Variants in NBEA observed in about 807,000 individuals in gnomAD.
The protein encoded by NBEA is neurobeachin.
In NBEA, 44 loss-of-function variants were observed where a neutral mutation model predicts 343.4. The ratio of observed to expected loss-of-function variants is 0.13; its 90% confidence interval spans 0.10 to 0.16. The LOEUF is 0.16. Ranked by LOEUF, NBEA falls within the 10% of genes least tolerant of loss-of-function variation. The pLI is 1.00. For missense variants in NBEA, 2,555 were observed against 3,631.3 expected (o/e 0.70, Z 7.62); for synonymous variants, 1,175 against 1,238.7 (o/e 0.95, Z 1.08).
chr13:35,647,907 A>G (rs1228605929), intron 51 of NBEA, among the ~76,000 whole-genome samples: 1 of 151,538 alleles, frequency 6.6e-6, no homozygotes, highest in African/African-American at 2.4e-5. Context: ...ATAGGGTCTC[A>G]CTCTGTTGCA....
chr13:35,188,578 A>G (rs1037084965), intron 30 of NBEA, among the ~76,000 whole-genome samples: 4 of 152,002 alleles, frequency 2.6e-5, no homozygotes, highest in African/African-American at 7.2e-5. Context: ...TTCTTTTTTT[A>G]TGGGTGAATA....
chr13:35,529,247 G>C (rs1354946344), intron 41 of NBEA, among the ~76,000 whole-genome samples: 3 of 152,264 alleles, frequency 2.0e-5, no homozygotes, highest in East Asian at 3.9e-4. Flanking sequence ...CATATTTTCA[G>C]TAGTGACATT....
chr13:34,983,010 T>C (rs1351898649), intron 1 of NBEA, among the ~76,000 whole-genome samples: 3 of 152,138 alleles, frequency 2.0e-5, no homozygotes, highest in Non-Finnish European at 4.4e-5. Context: ...GGAATTGACC[T>C]TTGGGTTATT....
chr13:35,495,374 C>T (rs566304983), intron 41 of NBEA, among the ~76,000 whole-genome samples: 3 of 151,636 alleles, frequency 2.0e-5, no homozygotes, highest in East Asian at 1.9e-4. Context: ...GTCCATAAAG[C>T]GAAAACAGAT....
At chr13:35,389,148 A>G (rs2042383766) in intron 38 of NBEA, among the ~76,000 whole-genome samples, 1 of 152,102 alleles carries the variant, frequency 6.6e-6, no homozygotes, top group African/African-American at 2.4e-5. Context: ...TCTTGGTCTA[A>G]CAAAATGCCA....
At chr13:35,417,070 A>T (rs1331954953) in intron 38 of NBEA, among the ~76,000 whole-genome samples, 1 of 152,098 alleles carries the variant, frequency 6.6e-6, no homozygotes, top group African/African-American at 2.4e-5. Flanking sequence ...TTTCTGTGGA[A>T]ACGGTGGTGA....
chr13:35,445,782 T>TTATACATA lies in NBEA; in HGVS notation c.6305-6306_6305-6305insCATATATA, dbSNP rs2045971776. Reference sequence around the variant, plus strand: ...TGACTTAATTCTAAGATATAAATGTTTATATATATATATATATATATATAT... The same window carrying TTATACATA: ...TGACTTAATTCTAAGATATAAATGTTTATACATATATATATATATATATATATATATAT... On this transcript the variant is annotated intron_variant, in intron 39 of 58. Coordinates refer to ENST00000379939, the MANE Select transcript of NBEA (RefSeq NM_001385012.1). 2.0e-4 allele frequency among the ~76,000 whole-genome samples: 23 copies of TTATACATA among 113,234 alleles called. 1 individual carries two copies. The Admixed American group carries it at 2.4e-3, about 12-fold the overall frequency. The allele number at this position is 113,234 out of a possible 152,430, so 74.3% of individuals were successfully genotyped here.
chr13:35,404,841 A>G (rs2043191788), intron 38 of NBEA, among the ~76,000 whole-genome samples: 1 of 152,192 alleles, frequency 6.6e-6, no homozygotes, highest in South Asian at 2.1e-4. Context: ...ATGTCATGTG[A>G]TACGAAATAA....
chr13:35,308,660 A>T (rs1340859694), intron 35 of NBEA, among the ~76,000 whole-genome samples: 1 of 145,072 alleles, frequency 6.9e-6, no homozygotes, highest in Non-Finnish European at 1.5e-5. Context: ...TTAAAACCCC[A>T]TATATATATT....
intron 1 of NBEA, among the ~76,000 whole-genome samples, chr13:34,967,586 C>CT (rs2059863776): frequency 6.6e-6 from 1 of 151,888 alleles, no homozygotes; most frequent in South Asian, 2.1e-4. Context: ...ATACATAAAT[C>CT]GGTAGTGTGT....
intron 35 of NBEA, among the ~76,000 whole-genome samples, chr13:35,298,211 GTATATATATA>G (rs72309538): frequency 0.25 from 25,371 of 102,740 alleles, 3,126 homozygotes; most frequent in Middle Eastern, 0.35. Flanking sequence ...GTGTGTGTGT[GTATATATATA>G]TATATATATA....
intron 10 of NBEA, among the ~76,000 whole-genome samples, chr13:35,084,523 T>C (rs2064621456): frequency 6.6e-6 from 1 of 152,160 alleles, no homozygotes; most frequent in African/African-American, 2.4e-5. Flanking sequence ...AAAAATGTTC[T>C]TTGAAACCAA....
intron 18 of NBEA, among the ~76,000 whole-genome samples, chr13:35,146,845 G>T (rs2068459612): frequency 6.6e-6 from 1 of 152,072 alleles, no homozygotes; most frequent in African/African-American, 2.4e-5. Context: ...TACCACAAAA[G>T]CCACATCAAG....
chr13:35,413,957 C>G (rs921944971), intron 38 of NBEA, among the ~76,000 whole-genome samples: 1 of 152,112 alleles, frequency 6.6e-6, no homozygotes, highest in East Asian at 1.9e-4. Flanking sequence ...TATAAGCTAG[C>G]AAATCCAAAC....
intron 49 of NBEA, among the ~76,000 whole-genome samples, chr13:35,645,253 C>T (rs1422691759): frequency 6.6e-6 from 1 of 152,124 alleles, no homozygotes; most frequent in Non-Finnish European, 1.5e-5. Context: ...CCAAATTGCA[C>T]ACAATTTAGG....
In NBEA at chr13:35,667,342, C is replaced by G. The variant is rs780216762; in HGVS notation, c.8465-32C>G. Reference sequence around the variant, plus strand: ...CTAGTATGTCGTTTGTCGTCCCCAACTGACCCTGGCATTGATGTCCCCACT... The same window carrying G: ...CTAGTATGTCGTTTGTCGTCCCCAAGTGACCCTGGCATTGATGTCCCCACT... On this transcript the variant is annotated intron_variant, in intron 56 of 58. Transcript: ENST00000379939. The G allele has an allele frequency of 1.6e-5, 26 of 1,593,180 alleles. No homozygotes were observed. The African/African-American group carries it at 2.7e-4, about 16-fold the overall frequency.
At chr13:35,325,398 A>T (rs1031151129) in intron 36 of NBEA, among the ~76,000 whole-genome samples, 11 of 152,202 alleles carry the variant, frequency 7.2e-5, no homozygotes, top group African/African-American at 2.6e-4. Context: ...TAATAATCAC[A>T]TCAGGGTAAA....
intron 36 of NBEA, among the ~76,000 whole-genome samples, chr13:35,313,391 C>G (rs1308089535): frequency 1.3e-5 from 2 of 152,116 alleles, no homozygotes; most frequent in Non-Finnish European, 1.5e-5. Context: ...TGGAATAGTG[C>G]CTAGCATGTA....
intron 45 of NBEA, among the ~76,000 whole-genome samples, chr13:35,577,770 G>A (rs188132221): frequency 1.3e-5 from 2 of 152,216 alleles, no homozygotes; most frequent in Admixed American, 6.5e-5. Context: ...GAGTTTCTTC[G>A]AAGGGCTACA....
Sources: gnomAD v4.1 joint callset for allele counts (sites outside exome capture counted in the v4.1 genomes callset) on GRCh38, gnomAD v4.1.1 for gene constraint, MANE v1.5 for transcripts, NCBI Gene and HGNC (gene_info 2026-07-23, HGNC 2026-07-21) for gene names.